Variants in CFAP141 observed in about 807,000 individuals in gnomAD.
The protein encoded by CFAP141 is cilia- and flagella-associated protein 141.
chr1:154,202,860 C>G, the CFAP141 span, among the ~76,000 whole-genome samples: 2 of 151,598 alleles, frequency 1.3e-5, no homozygotes, highest in African/African-American at 4.8e-5. Flanking sequence ...ATGGCTCATG[C>G]CTGTAATCCC....
At chr1:154,206,148 CCTGTTA>C in the CFAP141 span, 3 of 882,490 alleles carry the variant, frequency 3.4e-6, no homozygotes, top group Admixed American at 3.4e-5. Context: ...GCCTCCCACT[CCTGTTA>C]CTAACTACAT....
At chr1:154,201,390 C>CTT in the CFAP141 span, among the ~76,000 whole-genome samples, 43 of 135,294 alleles carry the variant, frequency 3.2e-4, 1 homozygote, top group African/African-American at 9.9e-4. Flanking sequence ...TCAAATCCAG[C>CTT]TTTTTTTTTT....
the CFAP141 span, chr1:154,200,389 T>C: frequency 6.5e-7 from 1 of 1,546,196 alleles, no homozygotes; most frequent in Non-Finnish European, 8.8e-7. Flanking sequence ...ACTAAGAGCT[T>C]GGAAAACTCA....
chr1:154,204,871 GTTTTTTT>G, the CFAP141 span, among the ~76,000 whole-genome samples: 1 of 133,886 alleles, frequency 7.5e-6, no homozygotes, highest in East Asian at 2.2e-4. Context: ...TTGCATCAGT[GTTTTTTT>G]TTTTTTTTTT....
At chr1:154,203,210 TATATATATA>T in the CFAP141 span, among the ~76,000 whole-genome samples, 3 of 65,998 alleles carry the variant, frequency 4.5e-5, no homozygotes, top group African/African-American at 1.4e-4. Context: ...TATATATATA[TATATATATA>T]TATATATATA....
the CFAP141 span, chr1:154,200,689 T>C: frequency 2.2e-6 from 3 of 1,340,738 alleles, no homozygotes; most frequent in Admixed American, 6.5e-5. Flanking sequence ...CTTTTTCTTT[T>C]CTTTTTTTTT....
chr1:154,199,454 G>C, the CFAP141 span: 16 of 1,612,508 alleles, frequency 9.9e-6, no homozygotes, highest in African/African-American at 5.3e-5. Context: ...AAAAAGCTTT[G>C]CCCATCTGAT....
the CFAP141 span, among the ~76,000 whole-genome samples, chr1:154,205,791 G>C: frequency 6.6e-6 from 1 of 151,462 alleles, no homozygotes; most frequent in Non-Finnish European, 1.5e-5. Context: ...CGCAATCTCC[G>C]CCTCCCGGGT....
the CFAP141 span, among the ~76,000 whole-genome samples, chr1:154,199,844 G>A: frequency 2.0e-5 from 3 of 152,144 alleles, no homozygotes; most frequent in Admixed American, 1.3e-4. Flanking sequence ...GAGGTACCGA[G>A]AGGCAAGTGA....
the CFAP141 span, chr1:154,199,509 T>G: frequency 3.1e-6 from 5 of 1,612,132 alleles, no homozygotes. Context: ...AAACAGCTGG[T>G]GCAGGGCAGC....
chr1:154,205,684 CTCTATTCT>C, the CFAP141 span: 2 of 1,576,204 alleles, frequency 1.3e-6, no homozygotes, highest in Non-Finnish European at 1.7e-6. Context: ...TCTCCAGAAC[CTCTATTCT>C]AATGAGAGAC....
the CFAP141 span, among the ~76,000 whole-genome samples, chr1:154,204,138 ATT>A: frequency 1.3e-5 from 2 of 152,140 alleles, no homozygotes; most frequent in African/African-American, 4.8e-5. Context: ...AGTCATGAAC[ATT>A]CTTGTGTATG....
At chr1:154,205,675 C>T in the CFAP141 span, 7 of 1,590,932 alleles carry the variant, frequency 4.4e-6, no homozygotes, top group East Asian at 1.6e-4. Flanking sequence ...CTGCCTCAGT[C>T]TCCAGAACCT....
the CFAP141 span, among the ~76,000 whole-genome samples, chr1:154,199,175 A>C: frequency 6.6e-6 from 1 of 151,568 alleles, no homozygotes; most frequent in African/African-American, 2.4e-5. Context: ...GCCCCCTTAC[A>C]TCAACATAGT....
At chr1:154,205,792 C>T in the CFAP141 span, among the ~76,000 whole-genome samples, 32 of 152,020 alleles carry the variant, frequency 2.1e-4, no homozygotes, top group African/African-American at 7.3e-4. Flanking sequence ...GCAATCTCCG[C>T]CTCCCGGGTT....
At chr1:154,199,276 G>A in the CFAP141 span, 1 of 573,250 alleles carries the variant, frequency 1.7e-6, no homozygotes, top group East Asian at 2.8e-5. Context: ...TAACGAGAGA[G>A]TGGAGAAGTG....
At chr1:154,205,727 A>G in the CFAP141 span, 3 of 1,246,974 alleles carry the variant, frequency 2.4e-6, no homozygotes, top group Admixed American at 3.6e-5. Flanking sequence ...TTTTTGAGAC[A>G]GAGTTTTGCT....
At chr1:154,199,485 T>A in the CFAP141 span, 17 of 1,613,456 alleles carry the variant, frequency 1.1e-5, no homozygotes, top group Non-Finnish European at 1.4e-5. Context: ...CTGGTACTGC[T>A]GATGCTCCTT....
chr1:154,205,648 A>T, the CFAP141 span: 1 of 1,613,738 alleles, frequency 6.2e-7, no homozygotes, highest in East Asian at 2.2e-5. Context: ...TCTGCAAGAA[A>T]AGGTAGTTCT....
Sources: gnomAD v4.1 joint callset for allele counts (sites outside exome capture counted in the v4.1 genomes callset) on GRCh38, gnomAD v4.1.1 for gene constraint, MANE v1.5 for transcripts, NCBI Gene and HGNC (gene_info 2026-07-23, HGNC 2026-07-21) for gene names.